Variants in DSCAML1 observed in about 807,000 individuals in gnomAD.
DSCAML1 encodes the protein cell adhesion molecule DSCAML1.
DSCAML1 carries 38 observed loss-of-function variants against 200.5 expected under a neutral mutation model. The ratio of observed to expected loss-of-function variants is 0.19; its 90% CI spans 0.15 to 0.25. DSCAML1 has a LOEUF of 0.25. Ranked by LOEUF, DSCAML1 falls within the 10% of genes least tolerant of loss-of-function variation. DSCAML1 has a pLI of 1.00. For synonymous variants in DSCAML1, 1,215 were observed against 1,165.0 expected, an observed-to-expected ratio of 1.04 and a Z score of -0.87; for missense variants, 2,223 against 2,858.8, an observed-to-expected ratio of 0.78 and a Z score of 5.07.
chr11:117,586,391 T>C (rs1204954366), intron 3 of DSCAML1, among the ~76,000 whole-genome samples: 2 of 152,210 alleles, frequency 1.3e-5, no homozygotes, highest in East Asian at 3.9e-4. Flanking sequence ...GCCATCTTGG[T>C]GTAGGAGGAC....
In DSCAML1 at chr11:117,428,577, C is replaced by G; in HGVS notation, c.5913G>C (p.Gln1971His). 6.3e-7 allele frequency: 1 copy of G among 1,586,556 alleles called. No individual in the cohort carries two copies. The highest frequency in any genetic ancestry group is 8.6e-7 in the Non-Finnish European group (1 of 1,167,348). ...GGGGGGCTGGCATGGCCAGAGTCCT[C>G]TGAGGTAAGGTGGCTGTGGAGGCGG... ...PAAASTATLP[Q>H]RTLAMPAPPA... Residue 1971 changes from glutamine to histidine, a missense_variant, in exon 33 of 33, where the codon CAG becomes CAC. Gln to His is a conservative substitution (Grantham distance 24). Coordinates refer to ENST00000651296, the MANE Select transcript of DSCAML1 (RefSeq NM_020693.4).
upstream of DSCAML1, chr11:117,801,215 G>C (rs1565293048): frequency 6.6e-6 from 1 of 152,206 alleles, no homozygotes; most frequent in Non-Finnish European, 1.5e-5. Context: ...TGTCACCTCT[G>C]TCTCCATAGC....
chr11:117,783,903 C>T (rs1565283532), intron 1 of DSCAML1, among the ~76,000 whole-genome samples: 1 of 152,196 alleles, frequency 6.6e-6, no homozygotes, highest in Non-Finnish European at 1.5e-5. Context: ...CTCCCTGCCT[C>T]CTGAGATGGC....
At chr11:117,800,237 A>C (rs374234834), upstream of DSCAML1, among the ~76,000 whole-genome samples, 6 of 152,326 alleles carry the variant, frequency 3.9e-5, no homozygotes, top group African/African-American at 1.2e-4. Flanking sequence ...CCAGCATGCC[A>C]GGAAATCCCA....
chr11:117,753,237 A>C (rs543801361), intron 3 of DSCAML1, among the ~76,000 whole-genome samples: 1 of 152,320 alleles, frequency 6.6e-6, no homozygotes, highest in South Asian at 2.1e-4. Flanking sequence ...GCATTGAGTA[A>C]AGCCTCAATA....
chr11:117,670,077 G>A (rs532368059), intron 3 of DSCAML1, among the ~76,000 whole-genome samples: 2 of 152,336 alleles, frequency 1.3e-5, no homozygotes, highest in South Asian at 2.1e-4. Flanking sequence ...GAGGTTAAGC[G>A]CTGTGATGCT....
chr11:117,461,287 T>C (rs976085492), intron 18 of DSCAML1, among the ~76,000 whole-genome samples, 163 bp downstream of exon 18: 1 of 151,424 alleles, frequency 6.6e-6, no homozygotes, highest in African/African-American at 2.4e-5. Context: ...CCGGCCCCTA[T>C]AGCCATTATC....
At chr11:117,450,064 G>A (rs1330433935) in intron 20 of DSCAML1, among the ~76,000 whole-genome samples, 1 of 152,190 alleles carries the variant, frequency 6.6e-6, no homozygotes, top group East Asian at 1.9e-4. Context: ...GTCGAGAGAC[G>A]CCTGTGCCTT....
intron 3 of DSCAML1, among the ~76,000 whole-genome samples, chr11:117,632,702 C>T (rs1414083586): frequency 2.0e-5 from 3 of 152,170 alleles, no homozygotes; most frequent in African/African-American, 7.2e-5. Flanking sequence ...AAGAATTTTC[C>T]CCATTCAAAA....
intron 3 of DSCAML1, among the ~76,000 whole-genome samples, chr11:117,547,226 C>T (rs566694539): frequency 6.6e-6 from 1 of 152,220 alleles, no homozygotes; most frequent in Admixed American, 6.5e-5. Flanking sequence ...CCCCCACCCC[C>T]ACTTTTATGT....
intron 4 of DSCAML1, among the ~76,000 whole-genome samples, chr11:117,531,700 A>G (rs2050079186): frequency 6.6e-6 from 1 of 152,004 alleles, no homozygotes; most frequent in South Asian, 2.1e-4. Flanking sequence ...CCTAGCCAAC[A>G]TGGTGAAACC....
At chr11:117,673,125 C>G (rs1172972725) in intron 3 of DSCAML1, among the ~76,000 whole-genome samples, 1 of 152,160 alleles carries the variant, frequency 6.6e-6, no homozygotes, top group Non-Finnish European at 1.5e-5. Context: ...CTTCTTCCAG[C>G]CGGTCAGCAT....
chr11:117,434,683 A>G (rs969295915), intron 27 of DSCAML1, among the ~76,000 whole-genome samples: 1 of 152,168 alleles, frequency 6.6e-6, no homozygotes, highest in South Asian at 2.1e-4. Context: ...CCATCCAGCC[A>G]TCCTTCTATC....
intron 3 of DSCAML1, among the ~76,000 whole-genome samples, chr11:117,579,194 T>A (rs907629514): frequency 1.3e-5 from 2 of 152,176 alleles, no homozygotes; most frequent in African/African-American, 4.8e-5. Context: ...TGTCCTCTTG[T>A]AATCCATTCT....
At chr11:117,776,405 C>A (rs2055129804) in intron 3 of DSCAML1, among the ~76,000 whole-genome samples, 1 of 152,130 alleles carries the variant, frequency 6.6e-6, no homozygotes, top group Non-Finnish European at 1.5e-5. Flanking sequence ...AGACCACAAA[C>A]CCGCCTCTCA....
At chr11:117,517,001 T>C (rs965478208) in intron 7 of DSCAML1, among the ~76,000 whole-genome samples, 5 of 152,216 alleles carry the variant, frequency 3.3e-5, no homozygotes, top group Non-Finnish European at 7.3e-5. Context: ...TATACATGCC[T>C]TGGCCAAGAG....
rs974308540 is a variant in DSCAML1, at chr11:117,498,148, AGTCTG to A, written c.2359+5692_2359+5696del. Among the ~76,000 whole-genome samples the A allele has an allele frequency of 2.6e-5, 4 of 152,208 alleles. No homozygotes were observed. The highest frequency in any genetic ancestry group is 9.6e-5 in the African/African-American group (4 of 41,454). ...CCAGCCCCAGCCCCCAAGGAGCTTCAGTCTGTGACGAGATAGGACCCACCACCGGG... is the reference window on the plus strand; with the variant it reads ...CCAGCCCCAGCCCCCAAGGAGCTTCATGACGAGATAGGACCCACCACCGGG... On this transcript the variant is annotated intron_variant, in intron 11 of 32. Coordinates refer to ENST00000651296, the MANE Select transcript of DSCAML1 (RefSeq NM_020693.4). The surrounding 1 kb of genome is among the most constrained non-coding windows in gnomAD (Gnocchi z 4.0).
intron 3 of DSCAML1, among the ~76,000 whole-genome samples, chr11:117,673,782 A>C (rs1262454301): frequency 6.6e-6 from 1 of 152,238 alleles, no homozygotes; most frequent in African/African-American, 2.4e-5. Context: ...GTGCGTGTGC[A>C]CAATCAGCCT....
intron 1 of DSCAML1, 76 bp downstream of exon 1, chr11:117,796,949 AGCCCGCCGG>A (rs2055590399): frequency 1.9e-6 from 2 of 1,076,412 alleles, no homozygotes; most frequent in South Asian, 7.7e-5. Context: ...ACGCACCTGG[AGCCCGCCGG>A]GCACCCCGCC....
Sources: gnomAD v4.1 joint callset for allele counts (sites outside exome capture counted in the v4.1 genomes callset) on GRCh38, gnomAD v4.1.1 for gene constraint, Gnocchi (gnomAD v3.1) non-coding constraint, MANE v1.5 for transcripts, NCBI Gene and HGNC (gene_info 2026-07-23, HGNC 2026-07-21) for gene names.